Variants in LAMB4 observed in about 807,000 individuals in gnomAD.
LAMB4 encodes the protein laminin subunit beta 4.
Under a neutral mutation model 199.2 loss-of-function variants are expected in LAMB4, and 196 were observed. The observed-to-expected ratio is 0.98, with a 90% CI of 0.88 to 1.11. The LOEUF (loss-of-function observed/expected upper bound fraction) is 1.11. Among genes scored for constraint, LAMB4 ranks in the 50% least tolerant of loss-of-function variants. The pLI, the probability that LAMB4 is intolerant of heterozygous loss-of-function variation, is 0.00. For missense variants in LAMB4, 2,080 were observed against 2,171.2 expected (o/e 0.96, Z 0.83); for synonymous variants, 744 against 770.6 (o/e 0.97, Z 0.57).
chr7:108,027,717 A>C (rs1180065110), intron 33 of LAMB4, among the ~76,000 whole-genome samples: 10 of 152,236 alleles, frequency 6.6e-5, no homozygotes, highest in South Asian at 4.1e-4. Flanking sequence ...GATTGCCCCC[A>C]AAAATCATAA....
intron 1 of LAMB4, among the ~76,000 whole-genome samples, chr7:108,129,436 T>C (rs2038905339): frequency 6.6e-6 from 1 of 152,232 alleles, no homozygotes; most frequent in Non-Finnish European, 1.5e-5. Context: ...CTTTCCTTTG[T>C]CTAACTTTTT....
At chr7:108,028,438 C>T (rs1254909247) in intron 33 of LAMB4, among the ~76,000 whole-genome samples, 1 of 151,512 alleles carries the variant, frequency 6.6e-6, no homozygotes, top group Non-Finnish European at 1.5e-5. Context: ...AGACATCTCA[C>T]CCCCCGTTGA....
At chr7:108,034,524 T>C (rs952470244) in intron 30 of LAMB4, among the ~76,000 whole-genome samples, 178 bp from the exon 31 acceptor site, 6 of 152,126 alleles carry the variant, frequency 3.9e-5, no homozygotes, top group Middle Eastern at 3.2e-3. Context: ...TATATTTAAA[T>C]GCCAATAAAA....
At chr7:108,064,656 A>G (rs1367509620) in intron 21 of LAMB4, among the ~76,000 whole-genome samples, 1 of 152,168 alleles carries the variant, frequency 6.6e-6, no homozygotes, top group Non-Finnish European at 1.5e-5. Flanking sequence ...TCAGTTCTTA[A>G]AAACTGACCA....
intron 29 of LAMB4, among the ~76,000 whole-genome samples, chr7:108,038,475 A>G (rs979263160): frequency 7.9e-5 from 12 of 152,226 alleles, no homozygotes; most frequent in African/African-American, 2.4e-4. Context: ...ACTTTCAAAT[A>G]CATCCATGCT....
At chr7:108,100,778 A>G (rs1221818409) in intron 10 of LAMB4, among the ~76,000 whole-genome samples, 2 of 152,242 alleles carry the variant, frequency 1.3e-5, no homozygotes, top group Admixed American at 1.3e-4. Flanking sequence ...TTTTAAAACA[A>G]TAAAAGTTAT....
At chr7:108,128,049 C>T (rs999743085) in intron 1 of LAMB4, among the ~76,000 whole-genome samples, 3 of 152,060 alleles carry the variant, frequency 2.0e-5, no homozygotes, top group Non-Finnish European at 4.4e-5. Context: ...GAACCCCTGG[C>T]CCATTCTATG....
intron 12 of LAMB4, among the ~76,000 whole-genome samples, chr7:108,093,529 G>A (rs994106602): frequency 1.3e-5 from 2 of 152,168 alleles, no homozygotes; most frequent in African/African-American, 4.8e-5. Flanking sequence ...TTATCAATCA[G>A]TTGTTTTGGC....
Position 108,048,062 on chromosome 7 carries a change from C to G in LAMB4, c.4172G>C (p.Gly1391Ala). Reference protein sequence around the residue: ...NVPCVPLPCGGALCTGRKGHR... With the variant: ...NVPCVPLPCGAALCTGRKGHR... ...CCCCTTCCGGCCCGTGCAGAGAGCA[C>G]CGCCACAGGGCAAGGGCACACATGG... Residue 1391 changes from glycine (G) to alanine (A), a missense_variant, in exon 28 of 34, where the codon GGT becomes GCT. By Grantham distance (60) the Gly-to-Ala change is moderately conservative. Transcript: ENST00000388781. 1 of 1,614,166 alleles carries G rather than the reference C, an allele frequency of 6.2e-7. No homozygotes were observed. Among genetic ancestry groups the G allele is most frequent in the South Asian group, 1.1e-5 (1 of 91,078 alleles).
At chr7:108,129,148 A>G (rs953692434) in intron 1 of LAMB4, among the ~76,000 whole-genome samples, 2 of 152,264 alleles carry the variant, frequency 1.3e-5, no homozygotes, top group African/African-American at 2.4e-5. Context: ...TTTTTTGTCA[A>G]AACAATTTGG....
intron 1 of LAMB4, among the ~76,000 whole-genome samples, chr7:108,128,826 T>A (rs1390297730): frequency 1.3e-5 from 2 of 152,212 alleles, no homozygotes; most frequent in Non-Finnish European, 2.9e-5. Flanking sequence ...ATGGCACTCT[T>A]TTCTTGTTAA....
At chr7:108,084,233 G>A (rs910014048) in intron 14 of LAMB4, among the ~76,000 whole-genome samples, 6 of 152,198 alleles carry the variant, frequency 3.9e-5, no homozygotes, top group African/African-American at 1.2e-4. Context: ...GCCAGAGGCT[G>A]TAGTTTGTCT....
intron 23 of LAMB4, 53 bp downstream of exon 23, chr7:108,062,721 G>A (rs1405023805): frequency 1.9e-6 from 2 of 1,031,474 alleles, no homozygotes; most frequent in African/African-American, 1.6e-5. Flanking sequence ...TAGAAACCAT[G>A]TCTCACTATC....
chr7:108,024,879 TTAA>T (rs1442480947), intron 33 of LAMB4, among the ~76,000 whole-genome samples: 6 of 152,240 alleles, frequency 3.9e-5, no homozygotes, highest in Non-Finnish European at 7.3e-5. Context: ...AGAGCTACAG[TTAA>T]TAATGTGAGG....
chr7:108,093,091 C>T (rs2037472043), intron 12 of LAMB4, among the ~76,000 whole-genome samples: 1 of 152,154 alleles, frequency 6.6e-6, no homozygotes, highest in Admixed American at 6.5e-5. Flanking sequence ...TCCCACCCCA[C>T]AGACGGAGTC....
chr7:108,102,485 A>G (rs908343163), intron 10 of LAMB4, among the ~76,000 whole-genome samples: 1 of 152,182 alleles, frequency 6.6e-6, no homozygotes, highest in African/African-American at 2.4e-5. Context: ...AGACATCAAT[A>G]TAGTGCCTGT....
At chr7:108,058,819 G>A (rs145323381) in intron 23 of LAMB4, among the ~76,000 whole-genome samples, 2,028 of 152,114 alleles carry the variant, frequency 0.013, 28 homozygotes, top group Admixed American at 0.031. Flanking sequence ...ACCACACCCG[G>A]CAATTTTTTG....
At position 108,111,942 on chromosome 7, in the gene LAMB4, TC is replaced by T. The variant is rs753541717; in HGVS notation, c.196del (p.Glu66AsnfsTer29). On this transcript the variant is annotated frameshift_variant, in exon 4 of 34. Coordinates refer to ENST00000388781, the MANE Select transcript of LAMB4 (RefSeq NM_007356.3). LOFTEE classifies it high-confidence loss of function. ...KYCILSYLEG[E>X]QKCFICDSRF... The stretch of plus-strand genomic sequence containing the variant: ...AGAGTCACAGATGAAGCATTTTTGT[TC>T]CCCCTGGAAAACACCATTATTAAAA... 3.1e-6 allele frequency: 5 copies of T among 1,601,138 alleles called. No homozygotes were observed. In the African/African-American group the frequency reaches 6.7e-5, roughly 22 times the overall value.
chr7:108,114,438 A>G (rs2038340964), intron 3 of LAMB4, among the ~76,000 whole-genome samples: 2 of 147,836 alleles, frequency 1.4e-5, no homozygotes, highest in South Asian at 4.1e-4. Flanking sequence ...GACCCTATCT[A>G]AAAAATAGAG....
Sources: gnomAD v4.1 joint callset for allele counts (sites outside exome capture counted in the v4.1 genomes callset) on GRCh38, gnomAD v4.1.1 for gene constraint, MANE v1.5 for transcripts, NCBI Gene and HGNC (gene_info 2026-07-23, HGNC 2026-07-21) for gene names.